The following TTLL7 variants were observed in gnomAD, a reference collection of about 807,000 sequenced individuals.
The protein encoded by TTLL7 is tubulin tyrosine ligase like 7, also known as tubulin polyglutamylase TTLL7.
A neutral mutation model predicts 120.2 loss-of-function variants in TTLL7; 53 were observed. That is an observed-to-expected ratio of 0.44 (90% confidence interval 0.35 to 0.55). TTLL7 has a LOEUF of 0.55. Among genes scored for constraint, TTLL7 ranks in the 20% least tolerant of loss-of-function variants. The pLI is 0.00. For synonymous variants in TTLL7, 353 were observed against 351.7 expected (o/e 1.00, Z -0.04); for missense variants, 803 against 1,054.7 (o/e 0.76, Z 3.31).
intron 1 of TTLL7, among the ~76,000 whole-genome samples, chr1:83,974,022 T>C (rs1243352622): frequency 6.6e-6 from 1 of 152,014 alleles, no homozygotes; most frequent in Admixed American, 6.6e-5. Flanking sequence ...GTTCACTCTA[T>C]ATATGTTTTA....
intron 1 of TTLL7, among the ~76,000 whole-genome samples, chr1:83,966,244 C>T (rs1218260738): frequency 1.3e-5 from 2 of 152,088 alleles, no homozygotes. Flanking sequence ...TTGGCTCAAG[C>T]TGCAACATCA....
intron 12 of TTLL7, among the ~76,000 whole-genome samples, chr1:83,920,055 G>GT (rs1357332317): frequency 2.6e-5 from 4 of 152,116 alleles, no homozygotes; most frequent in African/African-American, 9.7e-5. Flanking sequence ...ACTTTCTAAT[G>GT]TGAGTATTTG....
chr1:83,949,987 C>G lies in TTLL7; in HGVS notation c.158-1G>C. ...CCCATTTCATCTATTACTAAACGAACTGCAAGTAAACAGTTAAGTTAAACC... is the reference window on the plus strand; with the variant it reads ...CCCATTTCATCTATTACTAAACGAAGTGCAAGTAAACAGTTAAGTTAAACC... On this transcript the variant is annotated splice_acceptor_variant, in intron 3 of 20. Transcript: ENST00000260505. LOFTEE classifies it high-confidence loss of function. 6.2e-7 allele frequency: 1 copy of G among 1,609,592 alleles called. No individual in the cohort carries two copies. The highest frequency in any genetic ancestry group is 8.5e-7 in the Non-Finnish European group (1 of 1,178,452).
chr1:83,917,613 T>A lies in TTLL7; in HGVS notation c.1578A>T (p.Arg526=). The change falls in exon 14 of 21, where the codon CGA becomes CGT. Residue 526 remains arginine (R), a synonymous_variant. Coordinates refer to ENST00000260505, the MANE Select transcript of TTLL7 (RefSeq NM_024686.6). ...EKLMGKTTKT[R]GPKPLCSMPE... The stretch of plus-strand genomic sequence containing the variant: ...TAGAGATATACTGCACCTTTGGTCC[T>A]CGAGTCTTGGTAGTTTTTCCCATCA... 1 of 1,612,046 alleles carries A rather than the reference T, an allele frequency of 6.2e-7. No individual in the cohort carries two copies. Among genetic ancestry groups the A allele is most frequent in the Non-Finnish European group, 8.5e-7 (1 of 1,178,234 alleles).
At chr1:83,951,820 C>T in intron 3 of TTLL7, 25 bp downstream of exon 3, 1 of 1,586,664 alleles carries the variant, frequency 6.3e-7, no homozygotes, top group Non-Finnish European at 8.5e-7. Flanking sequence ...ATGAGAATCC[C>T]ATGATTGCTT....
chr1:83,947,532 G>A (rs1359597929), intron 5 of TTLL7: 1 of 355,192 alleles, frequency 2.8e-6, no homozygotes, highest in Non-Finnish European at 5.0e-6. Context: ...TTACATATTA[G>A]TACATCAAAA....
chr1:83,920,357 G>A (rs533433945), intron 12 of TTLL7, among the ~76,000 whole-genome samples: 22 of 152,182 alleles, frequency 1.4e-4, no homozygotes, highest in Non-Finnish European at 2.2e-4. Flanking sequence ...TTTTTACTTA[G>A]TGTGGTTACT....
chr1:83,878,867 G>C (rs1273699086), intron 20 of TTLL7, among the ~76,000 whole-genome samples: 6 of 151,902 alleles, frequency 3.9e-5, no homozygotes, highest in Non-Finnish European at 8.8e-5. Context: ...CCATGTGATA[G>C]ATGCCATATA....
intron 14 of TTLL7, among the ~76,000 whole-genome samples, chr1:83,915,158 T>C (rs545540726): frequency 6.6e-6 from 1 of 152,040 alleles, no homozygotes; most frequent in South Asian, 2.1e-4. Context: ...TTTTTTTTAG[T>C]AGGAAGACAT....
intron 13 of TTLL7, among the ~76,000 whole-genome samples, chr1:83,918,179 C>T (rs78881271): frequency 1.6e-4 from 24 of 152,204 alleles, no homozygotes; most frequent in Non-Finnish European, 2.5e-4. Flanking sequence ...TTTAATGAAA[C>T]TCTTTCAAAA....
At chr1:83,951,501 C>T (rs368931417) in intron 3 of TTLL7, among the ~76,000 whole-genome samples, 2 of 152,208 alleles carry the variant, frequency 1.3e-5, no homozygotes, top group East Asian at 1.9e-4. Context: ...TCAGGTCAGT[C>T]ACATATAAAC....
At chr1:83,895,653 A>T (rs920473867) in intron 18 of TTLL7, among the ~76,000 whole-genome samples, 1 of 152,078 alleles carries the variant, frequency 6.6e-6, no homozygotes, top group African/African-American at 2.4e-5. Flanking sequence ...AACATTTTGG[A>T]TCCCCATTTT....
chr1:83,952,010 G>A (rs778251254), intron 2 of TTLL7, 34 bp from the exon 3 acceptor site: 37 of 1,589,168 alleles, frequency 2.3e-5, no homozygotes, highest in Middle Eastern at 1.7e-4. Context: ...AGATAACACT[G>A]AAAACAAAAA....
intron 1 of TTLL7, among the ~76,000 whole-genome samples, chr1:83,958,501 T>C (rs1649726021): frequency 6.6e-6 from 1 of 152,208 alleles, no homozygotes; most frequent in Admixed American, 6.5e-5. Context: ...CAGAAATCTA[T>C]TACTTCCTAA....
At chr1:83,910,678 A>T (rs1657602408) in intron 15 of TTLL7, among the ~76,000 whole-genome samples, 1 of 152,120 alleles carries the variant, frequency 6.6e-6, no homozygotes, top group African/African-American at 2.4e-5. Context: ...CCCGTGATGA[A>T]AATGGGAGGG....
intron 1 of TTLL7, among the ~76,000 whole-genome samples, chr1:83,969,376 G>C (rs1650764066): frequency 6.6e-6 from 1 of 151,754 alleles, no homozygotes; most frequent in Non-Finnish European, 1.5e-5. Context: ...CATAAAATTA[G>C]ATATCACTTT....
At chr1:83,961,566 C>T (rs558454089) in intron 1 of TTLL7, among the ~76,000 whole-genome samples, 7 of 151,792 alleles carry the variant, frequency 4.6e-5, no homozygotes, top group African/African-American at 1.2e-4. Context: ...TTTCCAGTAC[C>T]GAGGATAATG....
intron 1 of TTLL7, among the ~76,000 whole-genome samples, chr1:83,993,385 A>T (rs1653180268): frequency 6.6e-6 from 1 of 152,244 alleles, no homozygotes. Flanking sequence ...AAATGTTTAT[A>T]AAAACAGCTA....
intron 14 of TTLL7, among the ~76,000 whole-genome samples, chr1:83,916,406 C>T (rs532360051): frequency 2.7e-5 from 4 of 150,396 alleles, no homozygotes; most frequent in Non-Finnish European, 2.9e-5. Flanking sequence ...AAACCAAACA[C>T]CGCATGTTCT....
Sources: gnomAD v4.1 joint callset for allele counts (sites outside exome capture counted in the v4.1 genomes callset) on GRCh38, gnomAD v4.1.1 for gene constraint, MANE v1.5 for transcripts, NCBI Gene and HGNC (gene_info 2026-07-23, HGNC 2026-07-21) for gene names.